Variants in DDA1 observed in about 807,000 individuals in gnomAD.
The protein encoded by DDA1 is DET1 and DDB1 associated 1, also known as DET1- and DDB1-associated protein 1.
DDA1 carries 3 observed loss-of-function variants against 18.6 expected under a neutral mutation model. The ratio of observed to expected loss-of-function variants is 0.16; its 90% CI spans 0.07 to 0.42. The LOEUF is 0.42. DDA1 is among the 10% of genes least tolerant of loss of function. The probability of loss-of-function intolerance (pLI) is 0.99; values close to 1 mark genes in which losing one functional copy is unlikely to be tolerated. For synonymous variants in DDA1, 52 were observed against 54.0 expected (o/e 0.96, Z 0.17); for missense variants, 105 against 138.2 (o/e 0.76, Z 1.20).
At chr19:17,313,803 G>A (rs1453265629) in intron 1 of DDA1, among the ~76,000 whole-genome samples, 6 of 152,218 alleles carry the variant, frequency 3.9e-5, no homozygotes, top group Admixed American at 1.3e-4. Context: ...TAATTAGGGG[G>A]CTGTCATGAG....
chr19:17,313,222 T>C (rs1433226719), intron 1 of DDA1, among the ~76,000 whole-genome samples: 1 of 152,030 alleles, frequency 6.6e-6, no homozygotes, highest in East Asian at 1.9e-4. Flanking sequence ...ATCAGCCCCC[T>C]GGTTTTCTGA....
Position 17,314,308 on chromosome 19 carries a change from C to A in DDA1, c.85-30C>A. The A allele has an allele frequency of 6.2e-7, 1 of 1,614,168 alleles. No individual in the cohort carries two copies. Among genetic ancestry groups the A allele is most frequent in the South Asian group, 1.1e-5 (1 of 91,084 alleles). ...GGAGACCCCAGGCCCATGCACTCTC[C>A]TAACCCACCCCTTCTCAACCCTCCT... On this transcript the variant is annotated intron_variant, in intron 2 of 4. Coordinates refer to ENST00000359866, the MANE Select transcript of DDA1 (RefSeq NM_024050.6). The surrounding 1 kb of genome is among the most constrained non-coding windows in gnomAD (Gnocchi z 4.6).
rs1240668081 is a variant in DDA1 at position 17,319,783 on chromosome 19, A to G, written c.*127A>G. 1 of 668,130 alleles carries G rather than the reference A, an allele frequency of 1.5e-6. No individual in the cohort carries two copies. The highest frequency in any genetic ancestry group is 2.8e-5 in the East Asian group (1 of 36,040). 41.4% of individuals were successfully genotyped at this position (668,130 alleles called of 1,614,324 possible). On this transcript the variant is annotated 3_prime_UTR_variant, in exon 5 of 5. Transcript: ENST00000359866. ...CCCATCCACACCCTGCGTCCACACC[A>G]CTTCCAACCTCATAGGAGCCGATGT...
In DDA1 at chr19:17,322,921, GAGA is replaced by G. The variant is rs930747938; in HGVS notation, c.*3268_*3270del. The G allele has an allele frequency of 2.3e-4, 35 of 152,392 alleles. No individual in the cohort carries two copies. Among genetic ancestry groups the G allele is most frequent in the Admixed American group, 5.9e-4 (9 of 15,304 alleles). 9.4% of individuals were successfully genotyped at this position (152,392 alleles called of 1,614,324 possible). A position where few individuals can be genotyped will look rare whatever the true frequency, so the allele number is the denominator to read the frequency against. On this transcript the variant is annotated 3_prime_UTR_variant, in exon 5 of 5. Coordinates refer to ENST00000359866, the MANE Select transcript of DDA1 (RefSeq NM_024050.6). ...TGCAAACCACCGCGCTGTCCTCTTT[GAGA>G]AGGAGTCTTACTCAGGACTGGGGCC...
Position 17,314,264 on chromosome 19 carries a change from G to A in DDA1, c.85-74G>A. On this transcript the variant is annotated intron_variant, in intron 2 of 4. Coordinates refer to ENST00000359866, the MANE Select transcript of DDA1 (RefSeq NM_024050.6). The surrounding 1 kb of genome is among the most constrained non-coding windows in gnomAD (Gnocchi z 4.6). ...TCTTCCAATCTGCACTGAAGGGTGG[G>A]TGCTGAGTGGAGGGATGAGGAGACC... 1 of 1,593,144 alleles carries A rather than the reference G, an allele frequency of 6.3e-7. No homozygotes were observed. The highest frequency in any genetic ancestry group is 8.6e-7 in the Non-Finnish European group (1 of 1,161,372).
intron 4 of DDA1, among the ~76,000 whole-genome samples, chr19:17,316,220 A>G (rs1308155076): frequency 6.6e-6 from 1 of 152,226 alleles, no homozygotes; most frequent in African/African-American, 2.4e-5. Context: ...GCCAGGCCCA[A>G]GTAGCCGCCA....
At position 17,319,657 on chromosome 19, in the gene DDA1, G is replaced by A. The variant is rs1416578831; in HGVS notation, c.*1G>A. The A allele has an allele frequency of 9.0e-6, 14 of 1,562,786 alleles. No individual in the cohort carries two copies. The Admixed American group carries it at 2.7e-4, about 30-fold the overall frequency. On this transcript the variant is annotated 3_prime_UTR_variant, in exon 5 of 5. Coordinates refer to ENST00000359866, the MANE Select transcript of DDA1 (RefSeq NM_024050.6). ...CCCAGACATGCACGAGGACACTTAA[G>A]ACTCTCAACTCCACAGGCGCCTCCT...
chr19:17,309,733 C>G (rs201268669), intron 1 of DDA1, 76 bp downstream of exon 1: 1 of 1,538,494 alleles, frequency 6.5e-7, no homozygotes, highest in African/African-American at 1.4e-5. Context: ...CCTCTAGTAT[C>G]CCCCTAGGCC....
chr19:17,310,357 C>G, intron 1 of DDA1: 1 of 152,210 alleles, frequency 6.6e-6, no homozygotes, highest in East Asian at 1.9e-4. Flanking sequence ...TTCTAGCTGT[C>G]CCCTCATTAT....
intron 3 of DDA1, among the ~76,000 whole-genome samples, chr19:17,315,594 C>A (rs1240203843): frequency 1.3e-5 from 2 of 151,884 alleles, no homozygotes; most frequent in Non-Finnish European, 2.9e-5. Context: ...ATTTATCCAT[C>A]TGGAGCCTGT....
chr19:17,310,901 C>T (rs1007931095), intron 1 of DDA1, among the ~76,000 whole-genome samples: 2 of 152,208 alleles, frequency 1.3e-5, no homozygotes, highest in African/African-American at 4.8e-5. Context: ...GGTCTCCTAG[C>T]CTTGCTCTCA....
chr19:17,309,883 C>A (rs1377735124), intron 1 of DDA1, among the ~76,000 whole-genome samples: 3 of 152,052 alleles, frequency 2.0e-5, no homozygotes, highest in Non-Finnish European at 4.4e-5. Flanking sequence ...ATCCAGGATA[C>A]CAAGCCCTGA....
Position 17,314,080 on chromosome 19 carries a change from G to A in DDA1, c.61G>A (p.Ala21Thr), listed in dbSNP as rs1471403903. 7 of 1,614,082 alleles carry A rather than the reference G, an allele frequency of 4.3e-6. 1 individual carries two copies. The South Asian group carries it at 4.4e-5, about 10-fold the overall frequency. The part of the protein sequence containing the change: ...YNKSNFSRFH[A>T]DSVCKASNRR... ...CAAAAGCAATTTTAGTCGATTTCAC[G>A]CGGACTCCGTGTGCAAAGCCTCGGT... The change falls in exon 2 of 5, where the codon GCG becomes ACG. Residue 21 changes from alanine (A) to threonine (T), a missense_variant. Physicochemically the swap from Ala to Thr is moderately conservative, Grantham distance 58. Around this residue, in one of 2 missense-constraint regions of DDA1, gnomAD observed 43 missense variants for 82.3 expected, o/e 0.52. Coordinates refer to ENST00000359866, the MANE Select transcript of DDA1 (RefSeq NM_024050.6). The surrounding 1 kb of genome is among the most constrained non-coding windows in gnomAD (Gnocchi z 4.6).
chr19:17,319,642 C>T lies in DDA1; in HGVS notation c.295C>T (p.His99Tyr), dbSNP rs1568355303. The change falls in exon 5 of 5, where the codon CAC (histidine) becomes TAC (tyrosine). Residue 99 changes from histidine (H) to tyrosine (Y), a missense_variant. This residue lies in a region of DDA1 where 62 missense variants were observed against 55.8 expected (regional missense o/e 1.11). Coordinates refer to ENST00000359866, the MANE Select transcript of DDA1 (RefSeq NM_024050.6). Reference sequence around the variant, plus strand: ...GGCGCGGACCGACAGCCCAGACATGCACGAGGACACTTAAGACTCTCAACT... The same window carrying T: ...GGCGCGGACCGACAGCCCAGACATGTACGAGGACACTTAAGACTCTCAACT... ...KVARTDSPDM[H>Y]EDT 1 of 1,571,146 alleles carries T rather than the reference C, an allele frequency of 6.4e-7. No individual in the cohort carries two copies. Among genetic ancestry groups the T allele is most frequent in the South Asian group, 1.2e-5 (1 of 85,268 alleles).
chr19:17,313,914 A>T (rs2074190577), intron 1 of DDA1, 109 bp from the exon 2 acceptor site: 1 of 884,224 alleles, frequency 1.1e-6, no homozygotes, highest in East Asian at 2.4e-5. Context: ...GGAAAACTTG[A>T]ACTACAAAGA....
At chr19:17,313,958 C>G (rs1483873736) in intron 1 of DDA1, 65 bp from the exon 2 acceptor site, 47 of 1,298,210 alleles carry the variant, frequency 3.6e-5, no homozygotes, top group Non-Finnish European at 4.8e-5. Context: ...AGTCACCCTG[C>G]AGGTGCTCCA....
At chr19:17,313,937 A>G in intron 1 of DDA1, 86 bp from the exon 2 acceptor site, 1 of 1,088,598 alleles carries the variant, frequency 9.2e-7, no homozygotes, top group South Asian at 1.3e-5. Context: ...AGTGGGAAGA[A>G]GGAACCCAGC....
At chr19:17,316,589 A>G (rs2145676480) in intron 4 of DDA1, among the ~76,000 whole-genome samples, 1 of 148,540 alleles carries the variant, frequency 6.7e-6, no homozygotes. Flanking sequence ...AGAAAATAAA[A>G]AAAGGCCGGG....
chr19:17,315,428 G>GTATATATATATATATATATATATA (rs1568354197), intron 3 of DDA1, among the ~76,000 whole-genome samples: 3 of 71,362 alleles, frequency 4.2e-5, no homozygotes, highest in Admixed American at 1.2e-4. Context: ...GTGTGTGTGT[G>GTATATATATATATATATATATATA]CATATATATA....
Sources: gnomAD v4.1 joint callset for allele counts (sites outside exome capture counted in the v4.1 genomes callset) on GRCh38, gnomAD v4.1.1 for gene constraint, gnomAD v4.1.1 regional missense constraint, Gnocchi (gnomAD v3.1) non-coding constraint, MANE v1.5 for transcripts, NCBI Gene and HGNC (gene_info 2026-07-23, HGNC 2026-07-21) for gene names.